FGF18: variants seen among roughly 807,000 people sequenced by gnomAD.
FGF18 encodes the protein fibroblast growth factor 18.
In FGF18, 5 loss-of-function variants were observed where a neutral mutation model predicts 23.0. The observed-to-expected ratio is 0.22, with a 90% confidence interval of 0.11 to 0.46. The LOEUF (loss-of-function observed/expected upper bound fraction) is 0.46. Ranked by LOEUF, FGF18 falls within the 20% of genes least tolerant of loss-of-function variation. The pLI is 0.99. For missense variants in FGF18, 180 were observed against 291.6 expected (o/e 0.62, Z 2.79); for synonymous variants, 117 against 118.9 (o/e 0.98, Z 0.10).
chr5:171,452,645 C>A (rs1304396678), intron 4 of FGF18, among the ~76,000 whole-genome samples: 3 of 152,038 alleles, frequency 2.0e-5, no homozygotes, highest in African/African-American at 7.2e-5. Flanking sequence ...ATTTTTTTCC[C>A]CATCTCTGGA....
At position 171,436,148 on chromosome 5, in the gene FGF18, G is replaced by T. The variant is rs759450877; in HGVS notation, c.125G>T (p.Arg42Leu). The change falls in exon 3 of 5, where the codon CGG becomes CTG. Residue 42 changes from arginine (R) to leucine (L), a missense_variant. By Grantham distance (102) the Arg-to-Leu change is moderately radical. Coordinates refer to ENST00000274625, the MANE Select transcript of FGF18 (RefSeq NM_003862.3). The surrounding 1 kb of genome is among the most constrained non-coding windows in gnomAD (Gnocchi z 4.4). ...CGCATCCACGTGGAGAACCAGACGC[G>T]GGCTCGGGACGATGTGAGCCGTAAG... ...DFRIHVENQT[R>L]ARDDVSRKQL... The T allele has an allele frequency of 6.3e-7, 1 of 1,594,746 alleles. No homozygotes were observed. The highest frequency in any genetic ancestry group is 1.7e-5 in the Admixed American group (1 of 58,220).
At chr5:171,453,484 G>C (rs1772543977) in intron 4 of FGF18, among the ~76,000 whole-genome samples, 1 of 152,140 alleles carries the variant, frequency 6.6e-6, no homozygotes, top group African/African-American at 2.4e-5. Flanking sequence ...GAGATGTTTT[G>C]ATGGGCAGCA....
chr5:171,438,520 C>T (rs1044042448), intron 3 of FGF18, among the ~76,000 whole-genome samples: 23 of 152,034 alleles, frequency 1.5e-4, no homozygotes, highest in African/African-American at 3.6e-4. Context: ...AGTGCCTGGG[C>T]GGGGCCAGTG....
At chr5:171,423,985 G>A (rs982657157) in intron 2 of FGF18, among the ~76,000 whole-genome samples, 6 of 151,900 alleles carry the variant, frequency 3.9e-5, no homozygotes, top group South Asian at 2.1e-4. Flanking sequence ...GGCTGGTCTC[G>A]AACTCCTGAC....
intron 2 of FGF18, among the ~76,000 whole-genome samples, chr5:171,430,604 A>C (rs1303616338): frequency 1.4e-5 from 2 of 143,124 alleles, no homozygotes; most frequent in Non-Finnish European, 3.0e-5. Context: ...CTGGCTAACA[A>C]GGTGAAACCC....
At chr5:171,424,737 G>T (rs1167933802) in intron 2 of FGF18, among the ~76,000 whole-genome samples, 1 of 151,982 alleles carries the variant, frequency 6.6e-6, no homozygotes, top group African/African-American at 2.4e-5. Context: ...TGCAGGTCCT[G>T]ATCCTCCTGG....
intron 2 of FGF18, among the ~76,000 whole-genome samples, chr5:171,433,325 T>A (rs1461702686): frequency 6.6e-6 from 1 of 152,166 alleles, no homozygotes; most frequent in Non-Finnish European, 1.5e-5. Flanking sequence ...GCAGCTCCCC[T>A]TGGGGACCTG....
intron 2 of FGF18, among the ~76,000 whole-genome samples, chr5:171,432,004 G>A (rs1772188725): frequency 6.6e-6 from 1 of 152,216 alleles, no homozygotes. Context: ...AGCCGAGATC[G>A]CGCCACTGCA....
At chr5:171,441,582 C>T (rs1772345718) in intron 3 of FGF18, among the ~76,000 whole-genome samples, 1 of 152,232 alleles carries the variant, frequency 6.6e-6, no homozygotes, top group African/African-American at 2.4e-5. Context: ...AGAGAGTCCC[C>T]AGCTCTGTCC....
chr5:171,443,446 C>T (rs904533556), intron 3 of FGF18, among the ~76,000 whole-genome samples: 8 of 143,592 alleles, frequency 5.6e-5, no homozygotes, highest in Non-Finnish European at 9.0e-5. Flanking sequence ...CTCTTAACAT[C>T]TTAACATTGC....
intron 2 of FGF18, among the ~76,000 whole-genome samples, chr5:171,432,145 C>T (rs1327933486): frequency 2.0e-5 from 3 of 152,144 alleles, no homozygotes; most frequent in Admixed American, 1.3e-4. Flanking sequence ...TTAGCCAGGC[C>T]GACAGCAAAA....
At position 171,456,569 on chromosome 5, in the gene FGF18, A is replaced by G; in HGVS notation, c.388A>G (p.Ile130Val). The change falls in exon 5 of 5, where the codon ATC becomes GTC. Residue 130 changes from isoleucine (I) to valine (V), a missense_variant. Physicochemically the swap from Ile to Val is conservative, Grantham distance 29. Transcript: ENST00000274625. This position sits in a 1 kb window ranked among gnomAD's most constrained non-coding sequence, Gnocchi z 6.1. The part of the protein sequence containing the change: ...PDGTSKECVF[I>V]EKVLENNYTA... ...TGGCACCAGCAAGGAGTGTGTGTTC[A>G]TCGAGAAGGTTCTGGAGAACAACTA... is the stretch of plus-strand genomic sequence containing the variant. 1 of 1,614,092 alleles carries G rather than the reference A, an allele frequency of 6.2e-7. No homozygotes were observed. The highest frequency in any genetic ancestry group is 1.1e-5 in the South Asian group (1 of 91,086).
rs1771981195 is a variant in FGF18, at chr5:171,420,169, C to T, written c.-31C>T. ...GCGGAGCGGACATGTGCAGGCTGGG[C>T]TAGGAGCCGCCGCCTCCCTCCCGCC... On this transcript the variant is annotated 5_prime_UTR_variant, in exon 1 of 5. Coordinates refer to ENST00000274625, the MANE Select transcript of FGF18 (RefSeq NM_003862.3). The T allele has an allele frequency of 6.5e-7, 1 of 1,534,528 alleles. No individual in the cohort carries two copies. Among genetic ancestry groups the T allele is most frequent in the African/African-American group, 1.4e-5 (1 of 73,022 alleles).
At chr5:171,448,161 G>A (rs769426551) in intron 3 of FGF18, among the ~76,000 whole-genome samples, 2 of 152,190 alleles carry the variant, frequency 1.3e-5, no homozygotes, top group Non-Finnish European at 2.9e-5. Flanking sequence ...AGGGCTTTGG[G>A]GGATCAGCTC....
chr5:171,422,635 G>A lies in FGF18; in HGVS notation c.69+2192G>A, dbSNP rs147334227. Among the ~76,000 whole-genome samples, 611 of 152,326 alleles carry A rather than the reference G, an allele frequency of 4.0e-3. 4 individuals are homozygous for A. The highest frequency in any genetic ancestry group is 0.014 in the African/African-American group (593 of 41,564). On this transcript the variant is annotated intron_variant, in intron 2 of 4. Transcript: ENST00000274625. ...CCATTCACACTACAGGGGCAAAGGTGGGGTGGCCTTAATGGTTGAAATGAG... is the reference window on the plus strand; with the variant it reads ...CCATTCACACTACAGGGGCAAAGGTAGGGTGGCCTTAATGGTTGAAATGAG...
Position 171,449,614 on chromosome 5 carries a change from C to T in FGF18, c.357+361C>T, listed in dbSNP as rs552025034. Among the ~76,000 whole-genome samples the T allele has an allele frequency of 4.6e-5, 7 of 152,112 alleles. No homozygotes were observed. The East Asian group carries it at 1.4e-3, about 29-fold the overall frequency. On this transcript the variant is annotated intron_variant, in intron 4 of 4. Transcript: ENST00000274625. ...GCTCTGGGGCACCCCGGCTACATGT[C>T]CCTGACGTCTGGGAGCAAGGAACCG...
intron 4 of FGF18, 106 bp downstream of exon 4, chr5:171,449,359 C>CGG: frequency 4.1e-6 from 1 of 246,450 alleles, no homozygotes; most frequent in Non-Finnish European, 7.8e-6. Flanking sequence ...GGAAAACAGG[C>CGG]CGTGTGTGTG....
chr5:171,449,192 T>C lies in FGF18; in HGVS notation c.296T>C (p.Ile99Thr). 1 of 1,614,010 alleles carries C rather than the reference T, an allele frequency of 6.2e-7. No individual in the cohort carries two copies. Among genetic ancestry groups the C allele is most frequent in the Non-Finnish European group, 8.5e-7 (1 of 1,180,006 alleles). ...GACACCTTCGGTAGTCAAGTCCGGA[T>C]CAAGGGCAAGGAGACGGAATTCTAC... ...ETDTFGSQVR[I>T]KGKETEFYLC... The change falls in exon 4 of 5, where the codon ATC becomes ACC. Residue 99 changes from isoleucine (I) to threonine (T), a missense_variant. Physicochemically the swap from Ile to Thr is moderately conservative, Grantham distance 89. Around this residue, in one of 3 missense-constraint regions of FGF18, gnomAD observed 83 missense variants for 190.4 expected, o/e 0.44. Transcript: ENST00000274625.
At chr5:171,435,303 G>A (rs1772230806) in intron 2 of FGF18, among the ~76,000 whole-genome samples, 1 of 152,220 alleles carries the variant, frequency 6.6e-6, no homozygotes, top group Non-Finnish European at 1.5e-5. Flanking sequence ...GGGCGAGAGT[G>A]GAAGCAGAAG....
Sources: allele counts gnomAD v4.1 joint callset (sites outside exome capture counted in the v4.1 genomes callset), GRCh38; gene constraint gnomAD v4.1.1; regional missense constraint gnomAD v4.1.1; non-coding constraint Gnocchi (gnomAD v3.1); transcripts MANE v1.5; gene names NCBI Gene and HGNC (gene_info 2026-07-23, HGNC 2026-07-21).